UPRT: variants seen among roughly 807,000 people sequenced by gnomAD.
UPRT encodes the protein uracil phosphoribosyltransferase homolog.
A neutral mutation model predicts 22.6 loss-of-function variants in UPRT; 5 were observed. That is an observed-to-expected ratio of 0.22 (90% confidence interval 0.12 to 0.47). The LOEUF (loss-of-function observed/expected upper bound fraction) is 0.47, where lower values mean the gene tolerates loss of function less well. Ranked by LOEUF, UPRT falls within the 20% of genes least tolerant of loss-of-function variation. UPRT has a pLI of 0.99. For synonymous variants in UPRT, 77 were observed against 87.7 expected, an observed-to-expected ratio of 0.88 and a Z score of 0.68; for missense variants, 181 against 239.9, an observed-to-expected ratio of 0.75 and a Z score of 1.62.
intron 4 of UPRT, among the ~76,000 whole-genome samples, chrX:75,175,757 C>T (rs181076875): frequency 2.7e-5 from 3 of 111,794 alleles, no homozygotes; most frequent in African/African-American, 6.5e-5. Context: ...GTAAACCACA[C>T]TGATAACAAG....
chrX:75,299,740 G>A lies in UPRT; in HGVS notation c.568G>A (p.Ala190Thr). 8.3e-7 allele frequency: 1 copy of A among 1,200,743 alleles called. No individual in the cohort carries two copies. The highest frequency in any genetic ancestry group is 1.1e-6 in the Non-Finnish European group (1 of 890,658). ...CGVSIMRSGE[A>T]MEQGLRDCCR... The stretch of plus-strand genomic sequence containing the variant: ...TTTCTTTTTTCTTCTTCAAGGTGAG[G>A]CAATGGAACAAGGTTTACGAGACTG... The change falls in exon 5 of 7, where the codon GCA (alanine) becomes ACA (threonine). Residue 190 changes from alanine (A) to threonine (T), a missense_variant. Ala to Thr is a moderately conservative substitution (Grantham distance 58, BLOSUM62 0). This residue lies in a region of UPRT where 70 missense variants were observed against 137.0 expected (regional missense o/e 0.51). Transcript: ENST00000373383.
intron 4 of UPRT, among the ~76,000 whole-genome samples, chrX:75,245,522 A>G (rs994774904): frequency 1.8e-5 from 2 of 112,165 alleles, no homozygotes; most frequent in African/African-American, 3.2e-5. Context: ...TTCACAATAG[A>G]AAAGACATGG....
intron 4 of UPRT, among the ~76,000 whole-genome samples, chrX:75,180,088 T>C (rs1321644617): frequency 1.8e-5 from 2 of 112,775 alleles, no homozygotes; most frequent in Non-Finnish European, 3.8e-5. Context: ...TCTCACTTTG[T>C]TGCCTCCCCA....
chrX:75,264,424 A>G (rs1360115522), intron 4 of UPRT, among the ~76,000 whole-genome samples: 1 of 111,742 alleles, frequency 8.9e-6, no homozygotes, highest in East Asian at 2.8e-4. Context: ...GGGTGCATAT[A>G]TAGTTAGGAT....
At chrX:75,231,222 A>C (rs1291828334) in intron 4 of UPRT, among the ~76,000 whole-genome samples, 1 of 111,779 alleles carries the variant, frequency 8.9e-6, no homozygotes, top group Non-Finnish European at 1.9e-5. Flanking sequence ...ATGGATGAAA[A>C]AGTCTCCAGA....
At chrX:75,207,122 A>G (rs1361315362) in intron 4 of UPRT, among the ~76,000 whole-genome samples, 1 of 112,139 alleles carries the variant, frequency 8.9e-6, no homozygotes, top group African/African-American at 3.2e-5. Flanking sequence ...TGAGTTTGCC[A>G]TTTTCTATGG....
intron 4 of UPRT, among the ~76,000 whole-genome samples, chrX:75,254,500 TAAAC>T (rs780910315): frequency 4.1e-4 from 46 of 111,662 alleles, no homozygotes; most frequent in Non-Finnish European, 7.3e-4. Flanking sequence ...TAAGAAAACA[TAAAC>T]AAAGCCTCCA....
intron 4 of UPRT, among the ~76,000 whole-genome samples, chrX:75,235,438 G>T (rs923315793): frequency 8.0e-5 from 9 of 111,943 alleles, no homozygotes; most frequent in Non-Finnish European, 3.8e-5. Context: ...CTCATTTTAT[G>T]AGGCCAGCAT....
At chrX:75,258,824 G>T (rs933962075) in intron 4 of UPRT, among the ~76,000 whole-genome samples, 1 of 112,040 alleles carries the variant, frequency 8.9e-6, no homozygotes, top group Non-Finnish European at 1.9e-5. Flanking sequence ...ATCCTGACTG[G>T]GAGACGCATC....
At chrX:75,275,867 C>T (rs1218162189) in intron 1 of UPRT, among the ~76,000 whole-genome samples, 1 of 110,777 alleles carries the variant, frequency 9.0e-6, no homozygotes, top group Non-Finnish European at 1.9e-5. Flanking sequence ...ATGGCACTGC[C>T]CCCCGGCTAA....
intron 4 of UPRT, chrX:75,297,757 C>T: frequency 2.4e-6 from 1 of 418,232 alleles, no homozygotes. Context: ...GAGCGTATTC[C>T]CTAATAGAGT....
chrX:75,169,244 G>T (rs988607479), intron 4 of UPRT, among the ~76,000 whole-genome samples: 5 of 112,078 alleles, frequency 4.5e-5, no homozygotes, highest in Non-Finnish European at 9.4e-5. Flanking sequence ...AAACATGTAT[G>T]TGCAAATGTC....
At position 75,291,673 on chromosome X, in the gene UPRT, A is replaced by G. The variant is rs764325692; in HGVS notation, c.387-1799A>G. ...AAACGAGGTCAACTTATTGTATTCT[A>G]GATATACTTTAATTTCTAAATGGAT... On this transcript the variant is annotated intron_variant, in intron 1 of 6. Transcript: ENST00000373383. The G allele has an allele frequency of 2.9e-5, 4 of 135,907 alleles. No individual in the cohort carries two copies. The South Asian group carries it at 8.6e-4, about 29-fold the overall frequency. The allele number at this position is 135,907 out of a possible 1,213,427, so 11.2% of individuals were successfully genotyped here.
chrX:75,235,316 G>T (rs1209260320), intron 4 of UPRT, among the ~76,000 whole-genome samples: 1 of 111,450 alleles, frequency 9.0e-6, no homozygotes, highest in South Asian at 3.8e-4. Context: ...ACCAAAAAGA[G>T]TCCAGGACCA....
chrX:75,270,929 G>GA (rs796443179), upstream of UPRT, among the ~76,000 whole-genome samples: 7 of 108,512 alleles, frequency 6.5e-5, no homozygotes, highest in South Asian at 1.2e-3. Context: ...CACTTTATGT[G>GA]AAAAAAAAAT....
At chrX:75,203,510 A>ACTCT (rs1369175739) in intron 4 of UPRT, among the ~76,000 whole-genome samples, 17 of 95,055 alleles carry the variant, frequency 1.8e-4, no homozygotes, top group African/African-American at 7.1e-4. Context: ...ACACACACAC[A>ACTCT]CACACTCACA....
At chrX:75,259,540 C>T (rs922709203) in intron 4 of UPRT, among the ~76,000 whole-genome samples, 10 of 107,840 alleles carry the variant, frequency 9.3e-5, no homozygotes, top group South Asian at 4.0e-4. Flanking sequence ...TGAAATAAAG[C>T]GAGAAAAGAA....
intron 4 of UPRT, among the ~76,000 whole-genome samples, chrX:75,234,971 C>A (rs1347174800): frequency 5.4e-5 from 6 of 111,518 alleles, no homozygotes; most frequent in African/African-American, 2.0e-4. Flanking sequence ...ACACAAAAAA[C>A]CCTTCAAAAA....
At chrX:75,203,698 A>G (rs1278451335) in intron 4 of UPRT, among the ~76,000 whole-genome samples, 2 of 111,040 alleles carry the variant, frequency 1.8e-5, no homozygotes, top group African/African-American at 6.6e-5. Context: ...CTGCCTGGAA[A>G]ATGTTGATAA....
Sources: allele counts gnomAD v4.1 joint callset (sites outside exome capture counted in the v4.1 genomes callset), GRCh38; gene constraint gnomAD v4.1.1; regional missense constraint gnomAD v4.1.1; transcripts MANE v1.5; gene names NCBI Gene and HGNC (gene_info 2026-07-23, HGNC 2026-07-21).